SV2B: variants seen among roughly 807,000 people sequenced by gnomAD.
SV2B encodes the protein synaptic vesicle glycoprotein 2B.
In SV2B, 41 loss-of-function variants were observed where a neutral mutation model predicts 73.9. The observed-to-expected ratio is 0.56, with a 90% confidence interval of 0.43 to 0.72. SV2B has a LOEUF of 0.72. SV2B is among the 30% of genes least tolerant of loss of function. The probability of loss-of-function intolerance (pLI) is 0.00; values close to 1 mark genes in which losing one functional copy is unlikely to be tolerated. For missense variants in SV2B, 764 were observed against 857.8 expected (o/e 0.89, Z 1.37); for synonymous variants, 314 against 314.2 (o/e 1.00, Z 0.01).
chr15:91,263,560 A>G (rs1439715246), intron 6 of SV2B, among the ~76,000 whole-genome samples: 1 of 152,020 alleles, frequency 6.6e-6, no homozygotes, highest in Non-Finnish European at 1.5e-5. Flanking sequence ...ACACAGACAC[A>G]GAGACACACA....
intron 1 of SV2B, among the ~76,000 whole-genome samples, chr15:91,191,744 A>G (rs1037019571): frequency 6.6e-6 from 1 of 152,202 alleles, no homozygotes; most frequent in African/African-American, 2.4e-5. Flanking sequence ...TACATCTCTT[A>G]TAGGCAACAT....
intron 1 of SV2B, among the ~76,000 whole-genome samples, chr15:91,196,085 A>C (rs1290457255): frequency 6.6e-6 from 1 of 152,236 alleles, no homozygotes; most frequent in East Asian, 1.9e-4. Flanking sequence ...TGGCTGCTAA[A>C]AGAGTCTTCT....
At chr15:91,204,254 T>C (rs1201335278) in intron 1 of SV2B, among the ~76,000 whole-genome samples, 1 of 152,134 alleles carries the variant, frequency 6.6e-6, no homozygotes, top group Non-Finnish European at 1.5e-5. Flanking sequence ...GAGCTTGGGG[T>C]CTTAATTTAC....
chr15:91,250,029 T>C (rs907325324), intron 2 of SV2B, among the ~76,000 whole-genome samples: 1 of 152,212 alleles, frequency 6.6e-6, no homozygotes, highest in African/African-American at 2.4e-5. Context: ...CCAGCATTAC[T>C]CTGATACCAA....
chr15:91,127,663 GTGTT>G (rs1567273281), intron 1 of SV2B, among the ~76,000 whole-genome samples: 1 of 152,170 alleles, frequency 6.6e-6, no homozygotes, highest in Non-Finnish European at 1.5e-5. Context: ...AGCCCAGAAG[GTGTT>G]TGTGTGTGCA....
intron 1 of SV2B, among the ~76,000 whole-genome samples, chr15:91,189,103 G>C (rs1455048834): frequency 6.6e-6 from 1 of 152,166 alleles, no homozygotes; most frequent in Non-Finnish European, 1.5e-5. Flanking sequence ...TGGGATTACA[G>C]GAATGAGCAC....
At chr15:91,212,894 A>G (rs1243041368) in intron 1 of SV2B, among the ~76,000 whole-genome samples, 1 of 151,988 alleles carries the variant, frequency 6.6e-6, no homozygotes, top group Non-Finnish European at 1.5e-5. Context: ...TAATCCCAGC[A>G]CTAAGGTAGC....
At position 91,140,594 on chromosome 15, in the gene SV2B, C is replaced by G. The variant is rs188182033; in HGVS notation, c.-392+40231C>G. ...TTTAACCCGAGGCCTGAGGAGTAGC[C>G]CATTGCTCTCCTCTTTGATCTCCTC... On this transcript the variant is annotated intron_variant, in intron 1 of 12. Transcript: ENST00000394232. This position sits in a 1 kb window ranked among gnomAD's most constrained non-coding sequence, Gnocchi z 4.4. 4.4e-4 allele frequency among the ~76,000 whole-genome samples: 67 copies of G among 152,224 alleles called. No homozygotes were observed. The highest frequency in any genetic ancestry group is 1.6e-4 in the Non-Finnish European group (11 of 68,028).
intron 1 of SV2B, among the ~76,000 whole-genome samples, chr15:91,221,232 G>C (rs986467874): frequency 2.6e-5 from 4 of 152,102 alleles, no homozygotes; most frequent in Admixed American, 2.0e-4. Context: ...ATCTGTACCA[G>C]ACACTGTGCT....
chr15:91,216,166 C>T (rs2046018057), intron 1 of SV2B, among the ~76,000 whole-genome samples: 1 of 152,180 alleles, frequency 6.6e-6, no homozygotes. Flanking sequence ...AACACTGTCT[C>T]CCATGCCAGC....
intron 2 of SV2B, among the ~76,000 whole-genome samples, chr15:91,237,955 T>C (rs180754726): frequency 6.6e-6 from 1 of 152,222 alleles, no homozygotes. Flanking sequence ...TCTGTATTTA[T>C]GCAATGAGGG....
intron 1 of SV2B, among the ~76,000 whole-genome samples, chr15:91,101,479 A>T (rs1388278954): frequency 2.6e-5 from 4 of 152,114 alleles, no homozygotes; most frequent in Admixed American, 6.6e-5. Context: ...GGATGCAGAG[A>T]TGATGATAAC....
Position 91,267,189 on chromosome 15 carries a change from A to G in SV2B, c.1120-366A>G, listed in dbSNP as rs1420886717. 6.6e-6 allele frequency among the ~76,000 whole-genome samples: 1 copy of G among 152,196 alleles called. No individual in the cohort carries two copies. Among genetic ancestry groups the G allele is most frequent in the African/African-American group, 2.4e-5 (1 of 41,444 alleles). ...CGTCTATTGGGACTGGTTGGCCTTC[A>G]TGGTGTATGGTCAGTAAATGTTTGC... On this transcript the variant is annotated intron_variant, in intron 7 of 12. Transcript: ENST00000394232. The surrounding 1 kb of genome is among the most constrained non-coding windows in gnomAD (Gnocchi z 4.3).
intron 1 of SV2B, among the ~76,000 whole-genome samples, chr15:91,149,509 C>A (rs927689855): frequency 6.6e-6 from 1 of 152,202 alleles, no homozygotes; most frequent in African/African-American, 2.4e-5. Flanking sequence ...TGGGCACAAC[C>A]TACCAAAGAA....
intron 1 of SV2B, among the ~76,000 whole-genome samples, chr15:91,135,360 C>T (rs75690351): frequency 0.014 from 2,090 of 152,332 alleles, 45 homozygotes; most frequent in African/African-American, 0.048. Context: ...TTTCACTCTT[C>T]CCGCTTCACC....
intron 1 of SV2B, among the ~76,000 whole-genome samples, chr15:91,217,167 G>A (rs1050651693): frequency 1.3e-5 from 2 of 152,118 alleles, no homozygotes; most frequent in African/African-American, 4.8e-5. Flanking sequence ...GTGAGCCACC[G>A]CGCCTGGCCC....
At chr15:91,271,660 A>AAT (rs1308462789) in intron 9 of SV2B, among the ~76,000 whole-genome samples, 3 of 152,172 alleles carry the variant, frequency 2.0e-5, no homozygotes, top group African/African-American at 7.2e-5. Flanking sequence ...AACTTGCTTG[A>AAT]ATAAAAAGGG....
chr15:91,221,632 C>T (rs983294424), intron 1 of SV2B, among the ~76,000 whole-genome samples: 34 of 151,616 alleles, frequency 2.2e-4, no homozygotes, highest in African/African-American at 8.3e-4. Flanking sequence ...TCCTTCCAGC[C>T]CCATGGCCAC....
chr15:91,284,017 C>T lies in SV2B; in HGVS notation c.1508-4C>T. The T allele has an allele frequency of 6.2e-7, 1 of 1,614,164 alleles. No homozygotes were observed. Among genetic ancestry groups the T allele is most frequent in the Non-Finnish European group, 8.5e-7 (1 of 1,180,022 alleles). On this transcript the variant is annotated splice_polypyrimidine_tract_variant and splice_region_variant and intron_variant, in intron 10 of 12. Coordinates refer to ENST00000394232, the MANE Select transcript of SV2B (RefSeq NM_001323032.3). This position sits in a 1 kb window ranked among gnomAD's most constrained non-coding sequence, Gnocchi z 4.5. ...ATGAACCGAAGGTTTCCTTCTCTCC[C>T]CAGACCTCTACGAGCACAAGTTCAT...
Sources: allele counts gnomAD v4.1 joint callset (sites outside exome capture counted in the v4.1 genomes callset), GRCh38; gene constraint gnomAD v4.1.1; non-coding constraint Gnocchi (gnomAD v3.1); transcripts MANE v1.5; gene names NCBI Gene and HGNC (gene_info 2026-07-23, HGNC 2026-07-21).